The following CDC42SE2 variants were observed in gnomAD, a reference collection of about 807,000 sequenced individuals.
CDC42SE2 encodes CDC42 small effector protein 2.
Under a neutral mutation model 11.5 loss-of-function variants are expected in CDC42SE2, and 3 were observed. The ratio of observed to expected loss-of-function variants is 0.26; its 90% CI spans 0.12 to 0.67. The LOEUF (loss-of-function observed/expected upper bound fraction) is 0.67. CDC42SE2 is among the 30% of genes least tolerant of loss of function. The pLI, the probability that CDC42SE2 is intolerant of heterozygous loss-of-function variation, is 0.80. For missense variants in CDC42SE2, 82 were observed against 106.8 expected (o/e 0.77, Z 1.02); for synonymous variants, 33 against 34.8 (o/e 0.95, Z 0.18).
chr5:131,276,926 G>A (rs914159622), intron 1 of CDC42SE2, among the ~76,000 whole-genome samples: 3 of 151,794 alleles, frequency 2.0e-5, no homozygotes, highest in African/African-American at 7.3e-5. Flanking sequence ...TTTTAGTAGA[G>A]GTGGGGTTTC....
chr5:131,342,270 C>G (rs1758728174), intron 2 of CDC42SE2, among the ~76,000 whole-genome samples: 1 of 53,526 alleles, frequency 1.9e-5, no homozygotes, highest in African/African-American at 1.0e-4. Context: ...CAGAGTAAGA[C>G]TCCTTCTCAA....
intron 2 of CDC42SE2, among the ~76,000 whole-genome samples, chr5:131,328,684 A>C (rs1042712998): frequency 6.6e-6 from 1 of 152,188 alleles, no homozygotes; most frequent in African/African-American, 2.4e-5. Context: ...TTAGTGAGTC[A>C]TCCTTCTTTC....
intron 1 of CDC42SE2, among the ~76,000 whole-genome samples, chr5:131,288,504 C>CT (rs199814584): frequency 5.8e-4 from 88 of 150,688 alleles, no homozygotes; most frequent in Non-Finnish European, 9.2e-4. Context: ...ATTTCGATTC[C>CT]TTTTTTTTTA....
At chr5:131,360,546 A>G (rs191246120) in intron 3 of CDC42SE2, among the ~76,000 whole-genome samples, 1 of 152,336 alleles carries the variant, frequency 6.6e-6, no homozygotes, top group East Asian at 1.9e-4. Context: ...CTATTATAGC[A>G]TGGAACCTTT....
intron 1 of CDC42SE2, among the ~76,000 whole-genome samples, chr5:131,273,913 G>A (rs1757047486): frequency 6.6e-6 from 1 of 152,026 alleles, no homozygotes; most frequent in Admixed American, 6.6e-5. Flanking sequence ...AAGTAGCTGG[G>A]ACCACAGGTA....
chr5:131,380,488 C>A (rs115473937), intron 3 of CDC42SE2, among the ~76,000 whole-genome samples: 5,217 of 152,234 alleles, frequency 0.034, 304 homozygotes, highest in African/African-American at 0.12. Context: ...GTGTGCCATT[C>A]TTTAAATGTC....
intron 3 of CDC42SE2, among the ~76,000 whole-genome samples, chr5:131,362,226 GTTGT>G (rs534500942): frequency 7.2e-5 from 11 of 152,154 alleles, no homozygotes; most frequent in Non-Finnish European, 1.3e-4. Flanking sequence ...ACATATGTTA[GTTGT>G]TTGTTATTGT....
chr5:131,320,054 G>GAAAAAAAAAAAAAAA (rs763857152), intron 2 of CDC42SE2, among the ~76,000 whole-genome samples: 2 of 62,778 alleles, frequency 3.2e-5, no homozygotes, highest in African/African-American at 5.2e-5. Flanking sequence ...CCGTCTTAAA[G>GAAAAAAAAAAAAAAA]AAAAAAAAAA....
chr5:131,270,192 GT>G (rs755302975), intron 1 of CDC42SE2, among the ~76,000 whole-genome samples: 3 of 152,008 alleles, frequency 2.0e-5, no homozygotes, highest in African/African-American at 4.8e-5. Context: ...GGCTAACACG[GT>G]GAAACCCCAT....
intron 2 of CDC42SE2, among the ~76,000 whole-genome samples, chr5:131,333,819 G>C (rs535904123): frequency 6.4e-4 from 97 of 152,206 alleles, no homozygotes; most frequent in Non-Finnish European, 5.7e-4. Context: ...ATTTTGTATC[G>C]TGAGACTTTG....
intron 2 of CDC42SE2, among the ~76,000 whole-genome samples, chr5:131,346,938 A>G (rs542385073): frequency 2.4e-4 from 37 of 152,336 alleles, no homozygotes; most frequent in African/African-American, 8.9e-4. Flanking sequence ...AGAAATAAAG[A>G]TGTTCTTTGA....
upstream of CDC42SE2, among the ~76,000 whole-genome samples, chr5:131,240,703 T>C (rs1186445959): frequency 6.6e-6 from 1 of 152,208 alleles, no homozygotes; most frequent in Non-Finnish European, 1.5e-5. Flanking sequence ...AAATATATGT[T>C]ATATTCCCAA....
At chr5:131,296,673 T>A (rs1230581718) in intron 1 of CDC42SE2, among the ~76,000 whole-genome samples, 1 of 152,198 alleles carries the variant, frequency 6.6e-6, no homozygotes, top group Non-Finnish European at 1.5e-5. Context: ...TTTTAACTAG[T>A]AACATCTGCA....
rs1260459047 is a variant in CDC42SE2, at chr5:131,393,306, A to G, written c.*2215A>G. 6.6e-6 allele frequency: 1 copy of G among 152,388 alleles called. No homozygotes were observed. The highest frequency in any genetic ancestry group is 1.5e-5 in the Non-Finnish European group (1 of 68,050). The allele number at this position is 152,388 out of a possible 1,614,324, so 9.4% of individuals were successfully genotyped here. A position where few individuals can be genotyped will look rare whatever the true frequency, so the allele number is the denominator to read the frequency against. ...TAGGTTTATGTAGGTAAAATGTGAA[A>G]GCATTTCTCCTCCACTTTTTAAAAT... On this transcript the variant is annotated 3_prime_UTR_variant, in exon 5 of 5. Coordinates refer to ENST00000505065, the MANE Select transcript of CDC42SE2 (RefSeq NM_001375635.1).
chr5:131,263,691 C>G (rs1434520648), upstream of CDC42SE2: 2 of 151,730 alleles, frequency 1.3e-5, no homozygotes, highest in East Asian at 3.9e-4. Flanking sequence ...GTCGCTCCTC[C>G]GCACGGATGT....
upstream of CDC42SE2, among the ~76,000 whole-genome samples, chr5:131,243,491 C>G (rs573678122): frequency 3.9e-4 from 59 of 152,176 alleles, 1 homozygote; most frequent in Admixed American, 1.4e-3. Context: ...GAGGCTAAGG[C>G]AGGAGAAAGG....
intron 1 of CDC42SE2, among the ~76,000 whole-genome samples, chr5:131,285,661 T>C (rs1757324775): frequency 6.6e-6 from 1 of 152,204 alleles, no homozygotes; most frequent in Non-Finnish European, 1.5e-5. Context: ...CAGAAAGATA[T>C]CTTATGGTAG....
chr5:131,324,162 A>G (rs1758250711), intron 2 of CDC42SE2, among the ~76,000 whole-genome samples: 1 of 152,194 alleles, frequency 6.6e-6, no homozygotes, highest in Non-Finnish European at 1.5e-5. Flanking sequence ...CTTTAGAAGT[A>G]TTATTTCTAA....
chr5:131,330,685 C>CTGTGCTG (rs1489052616), intron 2 of CDC42SE2, among the ~76,000 whole-genome samples: 2 of 151,818 alleles, frequency 1.3e-5, no homozygotes, highest in African/African-American at 4.8e-5. Context: ...GCTAAATATC[C>CTGTGCTG]CACAATGCAC....
Sources: gnomAD v4.1 joint callset for allele counts (sites outside exome capture counted in the v4.1 genomes callset) on GRCh38, gnomAD v4.1.1 for gene constraint, MANE v1.5 for transcripts, NCBI Gene and HGNC (gene_info 2026-07-23, HGNC 2026-07-21) for gene names.